Variants in PLEKHA6 observed in about 807,000 individuals in gnomAD.
PLEKHA6 encodes pleckstrin homology domain-containing family A member 6.
PLEKHA6 carries 60 observed loss-of-function variants against 116.7 expected under a neutral mutation model. The observed-to-expected ratio is 0.51, with a 90% CI of 0.42 to 0.64. The LOEUF (loss-of-function observed/expected upper bound fraction) is 0.64. PLEKHA6 is among the 30% of genes least tolerant of loss of function. The probability of loss-of-function intolerance (pLI) is 0.00; values close to 1 mark genes in which losing one functional copy is unlikely to be tolerated. For synonymous variants in PLEKHA6, 489 were observed against 556.1 expected (o/e 0.88, Z 1.70); for missense variants, 1,338 against 1,422.7 (o/e 0.94, Z 0.96).
intron 12 of PLEKHA6, 107 bp downstream of exon 12, chr1:204,248,714 C>G (rs1382162354): frequency 9.8e-7 from 1 of 1,024,732 alleles, no homozygotes; most frequent in Non-Finnish European, 1.5e-6. Context: ...GTACTCAGCT[C>G]TTGTCCTCTG....
chr1:204,276,533 C>G (rs953865990), intron 1 of PLEKHA6, among the ~76,000 whole-genome samples: 2 of 152,066 alleles, frequency 1.3e-5, no homozygotes, highest in African/African-American at 4.8e-5. Flanking sequence ...TGCTTTTTCT[C>G]AGTGGTGCAG....
At chr1:204,366,207 A>G (rs1016041093) in intron 3 of PLEKHA6, among the ~76,000 whole-genome samples, 1 of 152,240 alleles carries the variant, frequency 6.6e-6, no homozygotes, top group Admixed American at 6.5e-5. Flanking sequence ...TGAAGATGGT[A>G]TCTGCAAGAG....
intron 1 of PLEKHA6, among the ~76,000 whole-genome samples, chr1:204,377,056 C>T (rs927359896): frequency 6.6e-6 from 1 of 152,218 alleles, no homozygotes; most frequent in East Asian, 1.9e-4. Flanking sequence ...GTCCCCCTCC[C>T]TCTTGACCAC....
At chr1:204,295,319 G>A (rs1670162539) in intron 1 of PLEKHA6, among the ~76,000 whole-genome samples, 1 of 152,036 alleles carries the variant, frequency 6.6e-6, no homozygotes, top group Non-Finnish European at 1.5e-5. Context: ...ATGAAACCCT[G>A]TTTCTACTAA....
intron 9 of PLEKHA6, chr1:204,255,780 C>G (rs747410793): frequency 1.0e-5 from 7 of 680,610 alleles, no homozygotes; most frequent in Non-Finnish European, 1.6e-5. Context: ...TAAGAGTTAG[C>G]GACAAGGACA....
chr1:204,242,398 G>T (rs956042769), intron 15 of PLEKHA6, among the ~76,000 whole-genome samples: 2 of 152,192 alleles, frequency 1.3e-5, no homozygotes, highest in Non-Finnish European at 2.9e-5. Context: ...CCCAACTAGA[G>T]AACAGAGGTC....
intron 1 of PLEKHA6, among the ~76,000 whole-genome samples, chr1:204,280,727 A>G (rs1668511701): frequency 6.6e-6 from 1 of 152,092 alleles, no homozygotes; most frequent in Non-Finnish European, 1.5e-5. Flanking sequence ...AGGTGGGGAG[A>G]AGGTTGGCTC....
intron 1 of PLEKHA6, among the ~76,000 whole-genome samples, chr1:204,352,821 C>CA (rs1394381054): frequency 6.6e-6 from 1 of 151,784 alleles, no homozygotes; most frequent in Non-Finnish European, 1.5e-5. Flanking sequence ...TCTGTCTCTA[C>CA]AAAAAATAAA....
chr1:204,243,958 C>G (rs374127108), intron 15 of PLEKHA6, among the ~76,000 whole-genome samples: 1 of 151,998 alleles, frequency 6.6e-6, no homozygotes, highest in Non-Finnish European at 1.5e-5. Flanking sequence ...GTAGCTGGGA[C>G]TACAGGCACC....
At chr1:204,362,648 G>A (rs1261735681), upstream of PLEKHA6, among the ~76,000 whole-genome samples, 3 of 152,320 alleles carry the variant, frequency 2.0e-5, no homozygotes, top group Admixed American at 2.0e-4. Flanking sequence ...CTGGGCTTTA[G>A]CAATCCTCCC....
intron 1 of PLEKHA6, chr1:204,311,756 C>CT (rs1386288451): frequency 2.4e-4 from 169 of 699,128 alleles, no homozygotes; most frequent in Non-Finnish European, 3.0e-4. Context: ...ACATGAAAGC[C>CT]CTAAGATTAC....
At chr1:204,311,560 C>CT in intron 1 of PLEKHA6, 1 of 945,560 alleles carries the variant, frequency 1.1e-6, no homozygotes, top group Non-Finnish European at 1.3e-6. Context: ...ATTAAGGCTT[C>CT]TTGAGTGTAA....
chr1:204,262,434 G>T (rs1666244663), intron 6 of PLEKHA6, among the ~76,000 whole-genome samples: 1 of 152,146 alleles, frequency 6.6e-6, no homozygotes, highest in African/African-American at 2.4e-5. Context: ...GAGGCCACAG[G>T]ACTAAATGCT....
intron 9 of PLEKHA6, chr1:204,251,696 G>A: frequency 3.0e-6 from 2 of 659,920 alleles, no homozygotes; most frequent in Non-Finnish European, 5.6e-6. Flanking sequence ...TGTTTCCCAG[G>A]AAACAGGGGA....
chr1:204,324,078 G>C (rs922976836), intron 1 of PLEKHA6, among the ~76,000 whole-genome samples: 6 of 152,138 alleles, frequency 3.9e-5, no homozygotes, highest in African/African-American at 1.4e-4. Flanking sequence ...CCAAGGTTCT[G>C]CTTGAGTCTG....
At chr1:204,327,007 G>A in intron 1 of PLEKHA6, 1 of 985,300 alleles carries the variant, frequency 1.0e-6, no homozygotes, top group Non-Finnish European at 1.2e-6. Flanking sequence ...GTAGGGATTT[G>A]TGGACAAAGC....
intron 4 of PLEKHA6, among the ~76,000 whole-genome samples, chr1:204,267,892 C>T (rs1431078888): frequency 6.6e-6 from 1 of 152,128 alleles, no homozygotes; most frequent in Non-Finnish European, 1.5e-5. Flanking sequence ...ACCCCTACCC[C>T]CCACCATAAT....
rs1288218755 is a variant in PLEKHA6, at chr1:204,259,615, T to C, written c.650A>G (p.Glu217Gly). 3 of 1,614,034 alleles carry C rather than the reference T, an allele frequency of 1.9e-6. No individual in the cohort carries two copies. Among genetic ancestry groups the C allele is most frequent in the Non-Finnish European group, 8.5e-7 (1 of 1,180,040 alleles). Residue 217 changes from glutamate (E) to glycine (G), a missense_variant, in exon 8 of 23, where the codon GAG becomes GGG. By Grantham distance (98) the Glu-to-Gly change is moderately conservative. Coordinates refer to ENST00000272203, the MANE Select transcript of PLEKHA6 (RefSeq NM_014935.5). The surrounding 1 kb of genome is among the most constrained non-coding windows in gnomAD (Gnocchi z 4.6). ...CCTCTCAGGCCTTCTCTCTGCCTTC[T>C]CACAGCCTCGGCCATCACCCTCCCC... ...TRGEGDGRGC[E>G]KAERRPERPE... is the part of the protein sequence containing the mutation.
chr1:204,355,631 G>A (rs531920952), intron 1 of PLEKHA6, among the ~76,000 whole-genome samples: 68 of 150,822 alleles, frequency 4.5e-4, no homozygotes, highest in African/African-American at 1.1e-3. Context: ...ACAGAGATGG[G>A]GTTTCACCAT....
Sources: gnomAD v4.1 joint callset for allele counts (sites outside exome capture counted in the v4.1 genomes callset) on GRCh38, gnomAD v4.1.1 for gene constraint, Gnocchi (gnomAD v3.1) non-coding constraint, MANE v1.5 for transcripts, NCBI Gene and HGNC (gene_info 2026-07-23, HGNC 2026-07-21) for gene names.